LMBR1: variants seen among roughly 807,000 people sequenced by gnomAD.
LMBR1 encodes the protein limb region 1 protein homolog.
A neutral mutation model predicts 73.9 loss-of-function variants in LMBR1; 52 were observed. That is an observed-to-expected ratio of 0.70 (90% CI 0.56 to 0.89). The LOEUF is 0.89. Ranked by LOEUF, LMBR1 falls within the 40% of genes least tolerant of loss-of-function variation. The probability of loss-of-function intolerance (pLI) is 0.00; values close to 1 mark genes in which losing one functional copy is unlikely to be tolerated. For missense variants in LMBR1, 539 were observed against 579.8 expected, an observed-to-expected ratio of 0.93 and a Z score of 0.72; for synonymous variants, 215 against 209.4, an observed-to-expected ratio of 1.03 and a Z score of -0.23.
chr7:156,769,031 A>G (rs1824681325), intron 5 of LMBR1, among the ~76,000 whole-genome samples: 1 of 152,160 alleles, frequency 6.6e-6, no homozygotes, highest in Non-Finnish European at 1.5e-5. Flanking sequence ...TATACTGTTT[A>G]TATTGGGCCA....
intron 8 of LMBR1, among the ~76,000 whole-genome samples, chr7:156,757,112 G>A (rs1020354185): frequency 5.3e-5 from 8 of 152,008 alleles, no homozygotes; most frequent in Admixed American, 1.3e-4. Context: ...CACCACACCC[G>A]CCCAGCCTAC....
At chr7:156,688,248 T>C (rs1251865550) in intron 15 of LMBR1, 57 bp from the exon 16 acceptor site, 6 of 1,266,566 alleles carry the variant, frequency 4.7e-6, no homozygotes, top group Non-Finnish European at 6.6e-6. Context: ...ATATTTAGTG[T>C]GCTACAAGTA....
intron 15 of LMBR1, among the ~76,000 whole-genome samples, chr7:156,700,031 T>A (rs2132041309): frequency 6.6e-6 from 1 of 152,288 alleles, no homozygotes; most frequent in South Asian, 2.1e-4. Flanking sequence ...GACCCAGCCA[T>A]CCCATTACTG....
chr7:156,808,166 TTTC>T (rs1832469210), intron 4 of LMBR1, among the ~76,000 whole-genome samples: 1 of 152,192 alleles, frequency 6.6e-6, no homozygotes, highest in African/African-American at 2.4e-5. Flanking sequence ...ATCGTGATTT[TTTC>T]TTCTATATGT....
intron 1 of LMBR1, among the ~76,000 whole-genome samples, chr7:156,881,397 C>T (rs150783117): frequency 1.1e-3 from 166 of 152,190 alleles, no homozygotes; most frequent in African/African-American, 3.7e-3. Context: ...AGAAAAACAC[C>T]GAAGGAAGCC....
chr7:156,766,035 T>C (rs1337650952), intron 5 of LMBR1, among the ~76,000 whole-genome samples: 1 of 152,110 alleles, frequency 6.6e-6, no homozygotes. Flanking sequence ...CACCATAAAA[T>C]TTAGACTTCC....
chr7:156,700,256 A>G (rs200864503), intron 15 of LMBR1, among the ~76,000 whole-genome samples: 8 of 152,162 alleles, frequency 5.3e-5, no homozygotes, highest in Non-Finnish European at 1.0e-4. Flanking sequence ...CATGGATGAA[A>G]CTGGAAACCA....
chr7:156,871,528 G>A (rs535766184), intron 1 of LMBR1, among the ~76,000 whole-genome samples: 3 of 152,156 alleles, frequency 2.0e-5, no homozygotes, highest in Non-Finnish European at 4.4e-5. Flanking sequence ...GAAGAATACA[G>A]ATACGAAAAT....
intron 11 of LMBR1, among the ~76,000 whole-genome samples, chr7:156,728,255 T>G (rs1360736910): frequency 1.3e-5 from 2 of 152,224 alleles, no homozygotes; most frequent in Non-Finnish European, 1.5e-5. Flanking sequence ...CTAAGTGATC[T>G]CACCAATTGG....
chr7:156,812,051 G>A (rs1169927119), intron 4 of LMBR1, among the ~76,000 whole-genome samples: 2 of 152,086 alleles, frequency 1.3e-5, no homozygotes, highest in African/African-American at 2.4e-5. Context: ...TTGGATTTGG[G>A]TCTTCGCTAA....
chr7:156,802,375 C>T (rs774667096), intron 4 of LMBR1, among the ~76,000 whole-genome samples: 1 of 152,198 alleles, frequency 6.6e-6, no homozygotes, highest in Non-Finnish European at 1.5e-5. Context: ...TATTTCTACA[C>T]CTCATTTTTT....
chr7:156,754,705 A>G (rs924990240), intron 9 of LMBR1, among the ~76,000 whole-genome samples: 1 of 152,222 alleles, frequency 6.6e-6, no homozygotes, highest in African/African-American at 2.4e-5. Context: ...TAGATTAAAT[A>G]AAATCCAGGG....
At chr7:156,874,478 T>C (rs2134368376) in intron 1 of LMBR1, among the ~76,000 whole-genome samples, 1 of 152,210 alleles carries the variant, frequency 6.6e-6, no homozygotes, top group African/African-American at 2.4e-5. Flanking sequence ...GAAGGGCTCC[T>C]CAAATGCCAC....
chr7:156,876,194 C>G (rs111438387), intron 1 of LMBR1, among the ~76,000 whole-genome samples: 15,159 of 152,036 alleles, frequency 0.1, 854 homozygotes, highest in African/African-American at 0.13. Flanking sequence ...AAACAGACTT[C>G]AAAGCAAGAG....
chr7:156,866,118 C>G (rs1446785456), intron 1 of LMBR1, among the ~76,000 whole-genome samples: 1 of 150,788 alleles, frequency 6.6e-6, no homozygotes, highest in South Asian at 2.1e-4. Flanking sequence ...AACTTTTGTC[C>G]TACAATCAAG....
At chr7:156,705,309 G>A (rs1268580226) in intron 15 of LMBR1, among the ~76,000 whole-genome samples, 3 of 152,200 alleles carry the variant, frequency 2.0e-5, no homozygotes, top group Admixed American at 6.5e-5. Flanking sequence ...TGTAATCCCA[G>A]CACTTTGGGA....
Position 156,681,687 on chromosome 7 carries a change from T to A in LMBR1, c.*2391A>T, listed in dbSNP as rs904109452. On this transcript the variant is annotated 3_prime_UTR_variant, in exon 17 of 17. Coordinates refer to ENST00000353442, the MANE Select transcript of LMBR1 (RefSeq NM_022458.4). ...TGTGACAGTCACTGGTGCATCCCTA[T>A]CCAGTCAGAAACAAAACTGTAGCTC... 6 of 152,308 alleles carry A rather than the reference T, an allele frequency of 3.9e-5. No individual in the cohort carries two copies. The highest frequency in any genetic ancestry group is 7.3e-5 in the Non-Finnish European group (5 of 68,136). 9.4% of individuals were successfully genotyped at this position (152,308 alleles called of 1,614,324 possible).
chr7:156,833,038 G>A (rs1302111133), intron 3 of LMBR1, among the ~76,000 whole-genome samples: 1 of 152,124 alleles, frequency 6.6e-6, no homozygotes, highest in Admixed American at 6.5e-5. Flanking sequence ...AGAATGCACT[G>A]TTTATTGGAA....
intron 1 of LMBR1, among the ~76,000 whole-genome samples, chr7:156,888,220 C>T (rs886709638): frequency 6.6e-6 from 1 of 151,334 alleles, no homozygotes; most frequent in African/African-American, 2.4e-5. Context: ...ACCTTCCTGG[C>T]TAACATGGTG....
Sources: gnomAD v4.1 joint callset for allele counts (sites outside exome capture counted in the v4.1 genomes callset) on GRCh38, gnomAD v4.1.1 for gene constraint, MANE v1.5 for transcripts, NCBI Gene and HGNC (gene_info 2026-07-23, HGNC 2026-07-21) for gene names.